The following DLGAP2 variants were observed in gnomAD, a reference collection of about 807,000 sequenced individuals.
DLGAP2 encodes DLG associated protein 2.
Under a neutral mutation model 100.3 loss-of-function variants are expected in DLGAP2, and 26 were observed. That is an observed-to-expected ratio of 0.26 (90% CI 0.19 to 0.36). DLGAP2 has a LOEUF of 0.36. Ranked by LOEUF, DLGAP2 falls within the 10% of genes least tolerant of loss-of-function variation. The pLI, the probability that DLGAP2 is intolerant of heterozygous loss-of-function variation, is 1.00. For synonymous variants in DLGAP2, 886 were observed against 630.1 expected, an observed-to-expected ratio of 1.41 and a Z score of -6.08; for missense variants, 1,858 against 1,453.2, an observed-to-expected ratio of 1.28 and a Z score of -4.53.
Position 1,583,332 on chromosome 8 carries a change from C to G in DLGAP2, c.1442+17438C>G, listed in dbSNP as rs530591399. ...ACGCATCTGAGAAGAGCTCAGAAGA[C>G]GGGCTCAGATATTCCTCTGGCCCAT... is the stretch of plus-strand genomic sequence containing the variant. On this transcript the variant is annotated intron_variant, in intron 6 of 14. Coordinates refer to ENST00000637795, the MANE Select transcript of DLGAP2 (RefSeq NM_001346810.2). 3.3e-5 allele frequency among the ~76,000 whole-genome samples: 5 copies of G among 152,280 alleles called. No homozygotes were observed. The Middle Eastern group carries it at 0.017, about 518-fold the overall frequency.
intron 3 of DLGAP2, among the ~76,000 whole-genome samples, chr8:1,451,205 C>T (rs1798149832): frequency 1.3e-5 from 2 of 152,146 alleles, no homozygotes; most frequent in Admixed American, 6.5e-5. Flanking sequence ...GAGCCTGGTT[C>T]CTCCTTCTAC....
chr8:1,615,007 G>T (rs1038950143), intron 6 of DLGAP2, among the ~76,000 whole-genome samples: 1 of 152,236 alleles, frequency 6.6e-6, no homozygotes, highest in Admixed American at 6.5e-5. Flanking sequence ...GCTACCTGCT[G>T]CAGGAGGGCG....
At chr8:1,107,043 G>A (rs1251500772) in intron 2 of DLGAP2, among the ~76,000 whole-genome samples, 1 of 152,182 alleles carries the variant, frequency 6.6e-6, no homozygotes, top group Non-Finnish European at 1.5e-5. Context: ...GCAGCAGTGA[G>A]TGTACTGACA....
At chr8:1,267,264 A>G (rs1000188023) in intron 3 of DLGAP2, among the ~76,000 whole-genome samples, 2 of 149,408 alleles carry the variant, frequency 1.3e-5, no homozygotes, top group African/African-American at 4.9e-5. Context: ...AAAATAAAAT[A>G]AAATAAAATA....
At chr8:1,271,469 T>G (rs1419907392) in intron 3 of DLGAP2, among the ~76,000 whole-genome samples, 2 of 152,214 alleles carry the variant, frequency 1.3e-5, no homozygotes, top group East Asian at 3.8e-4. Context: ...TCATGTGTCT[T>G]GCCCCAAGCC....
intron 1 of DLGAP2, among the ~76,000 whole-genome samples, chr8:756,185 G>A (rs1003294656): frequency 2.0e-5 from 3 of 152,148 alleles, no homozygotes; most frequent in African/African-American, 7.2e-5. Flanking sequence ...GGCCACGAGT[G>A]TCTGGGAGGA....
chr8:1,365,810 C>T (rs1462919984), intron 3 of DLGAP2, among the ~76,000 whole-genome samples: 1 of 152,238 alleles, frequency 6.6e-6, no homozygotes, highest in Non-Finnish European at 1.5e-5. Flanking sequence ...TGTGCCATGT[C>T]TCATGTCGGG....
intron 6 of DLGAP2, among the ~76,000 whole-genome samples, chr8:1,573,214 A>T (rs566778535): frequency 2.3e-5 from 3 of 131,160 alleles, no homozygotes; most frequent in East Asian, 2.4e-4. Context: ...ATCTGATGAG[A>T]TGGAGAGGAG....
In DLGAP2 at chr8:1,299,733, T is replaced by C. The variant is rs575969602; in HGVS notation, c.106+40850T>C. Among the ~76,000 whole-genome samples the C allele has an allele frequency of 5.9e-5, 9 of 152,292 alleles. No homozygotes were observed. The South Asian group carries it at 6.2e-4, about 11-fold the overall frequency. On this transcript the variant is annotated intron_variant, in intron 3 of 14. Transcript: ENST00000637795. Reference sequence around the variant, plus strand: ...CTCCTCAGAATAAAACCAAATGATATCGTAATTATTATCATCTACAATCCC... The same window carrying C: ...CTCCTCAGAATAAAACCAAATGATACCGTAATTATTATCATCTACAATCCC...
chr8:1,038,902 A>G (rs1563158211), intron 2 of DLGAP2, among the ~76,000 whole-genome samples: 1 of 152,222 alleles, frequency 6.6e-6, no homozygotes, highest in South Asian at 2.1e-4. Context: ...ACTATTTGTC[A>G]GTTTCTCGGG....
chr8:1,604,495 A>G (rs1386590138), intron 6 of DLGAP2: 1 of 151,006 alleles, frequency 6.6e-6, no homozygotes, highest in African/African-American at 2.4e-5. Flanking sequence ...TCACCCTTCT[A>G]AATTCCATCT....
intron 1 of DLGAP2, among the ~76,000 whole-genome samples, chr8:886,020 C>T (rs1168632909): frequency 1.1e-4 from 16 of 152,230 alleles, no homozygotes; most frequent in African/African-American, 3.1e-4. Flanking sequence ...GCTGTGAATC[C>T]GTCTGGTCCT....
At chr8:1,156,974 GT>G (rs1207331296) in intron 2 of DLGAP2, among the ~76,000 whole-genome samples, 1 of 151,944 alleles carries the variant, frequency 6.6e-6, no homozygotes, top group East Asian at 1.9e-4. Flanking sequence ...ATTCTCCACT[GT>G]TACAGCTCCT....
chr8:1,606,366 TA>T (rs1239646643), intron 6 of DLGAP2, among the ~76,000 whole-genome samples: 2 of 152,164 alleles, frequency 1.3e-5, no homozygotes, highest in Non-Finnish European at 2.9e-5. Context: ...TTTTAGAACA[TA>T]AACTTTACAC....
At chr8:1,258,821 G>GT in intron 2 of DLGAP2, 30 bp from the exon 3 acceptor site, 2 of 1,231,616 alleles carry the variant, frequency 1.6e-6, no homozygotes, top group Non-Finnish European at 2.0e-6. Context: ...CCCTGTGGGT[G>GT]TAACAGCTTC....
At chr8:745,593 T>G (rs1268528191) in intron 1 of DLGAP2, among the ~76,000 whole-genome samples, 1 of 152,192 alleles carries the variant, frequency 6.6e-6, no homozygotes, top group African/African-American at 2.4e-5. Flanking sequence ...AAACTTTTCC[T>G]AAGGAAATAA....
chr8:1,215,484 A>T (rs1298339183), intron 2 of DLGAP2, among the ~76,000 whole-genome samples: 1 of 89,318 alleles, frequency 1.1e-5, no homozygotes, highest in South Asian at 6.2e-4. Flanking sequence ...AGGTACCTGG[A>T]TGGGTTCATT....
rs139914773 is a variant in DLGAP2 at position 1,341,836 on chromosome 8, A to G, written c.106+82953A>G. ...GGCCCTGGCACATTGCCTACAGAAC[A>G]TGGACCTGTAGCTTATGGGAGCTGA... On this transcript the variant is annotated intron_variant, in intron 3 of 14. Transcript: ENST00000637795. Among the ~76,000 whole-genome samples the G allele has an allele frequency of 4.3e-3, 655 of 152,300 alleles. 2 individuals carry two copies. Among genetic ancestry groups the G allele is most frequent in the African/African-American group, 0.015 (621 of 41,574 alleles).
intron 3 of DLGAP2, among the ~76,000 whole-genome samples, chr8:1,494,072 A>G (rs1483089414): frequency 6.6e-6 from 1 of 152,188 alleles, no homozygotes; most frequent in Non-Finnish European, 1.5e-5. Context: ...ACCCATAAAC[A>G]CATAACAAAC....
Sources: allele counts gnomAD v4.1 joint callset (sites outside exome capture counted in the v4.1 genomes callset), GRCh38; gene constraint gnomAD v4.1.1; transcripts MANE v1.5; gene names NCBI Gene and HGNC (gene_info 2026-07-23, HGNC 2026-07-21).